The following PLCE1 variants were observed in gnomAD, a reference collection of about 807,000 sequenced individuals.
PLCE1 encodes 1-phosphatidylinositol 4,5-bisphosphate phosphodiesterase epsilon-1.
A neutral mutation model predicts 242.8 loss-of-function variants in PLCE1; 119 were observed. The observed-to-expected ratio is 0.49, with a 90% CI of 0.42 to 0.57. PLCE1 has a LOEUF of 0.57. Ranked by LOEUF, PLCE1 falls within the 20% of genes least tolerant of loss-of-function variation. The probability of loss-of-function intolerance (pLI) is 0.00; values close to 1 mark genes in which losing one functional copy is unlikely to be tolerated. For missense variants in PLCE1, 2,441 were observed against 2,788.8 expected, an observed-to-expected ratio of 0.88 and a Z score of 2.81; for synonymous variants, 945 against 1,017.4, an observed-to-expected ratio of 0.93 and a Z score of 1.35.
chr10:94,204,611 G>A (rs2049087545), intron 4 of PLCE1, among the ~76,000 whole-genome samples: 1 of 152,060 alleles, frequency 6.6e-6, no homozygotes, highest in Non-Finnish European at 1.5e-5. Context: ...AGGTTACAGT[G>A]AGCCAAGATC....
intron 22 of PLCE1, among the ~76,000 whole-genome samples, chr10:94,286,468 T>A (rs1474957409): frequency 6.6e-6 from 1 of 152,164 alleles, no homozygotes; most frequent in Admixed American, 6.6e-5. Context: ...ACCTCATCTC[T>A]AAAAAATAAT....
rs1759791948 is a variant in PLCE1, at chr10:94,330,157, C to T, written c.*2214C>T. The T allele has an allele frequency of 3.0e-5, 4 of 134,034 alleles. No individual in the cohort carries two copies. In the South Asian group the frequency reaches 9.3e-4, roughly 31 times the overall value. The allele number at this position is 134,034 out of a possible 1,614,324, so 8.3% of individuals were successfully genotyped here. On this transcript the variant is annotated 3_prime_UTR_variant, in exon 33 of 33. Transcript: ENST00000371380. The stretch of plus-strand genomic sequence containing the variant: ...CTCTTTAGGTTTATCACATTTGATT[C>T]TGATGCTAAGCGCTGCCCCACTCCT...
At chr10:94,189,222 C>G (rs1216040481) in intron 4 of PLCE1, among the ~76,000 whole-genome samples, 1 of 149,114 alleles carries the variant, frequency 6.7e-6, no homozygotes, top group African/African-American at 2.4e-5. Flanking sequence ...ACACACCACT[C>G]TTGAAACTAC....
intron 1 of PLCE1, among the ~76,000 whole-genome samples, chr10:94,014,712 G>A (rs1178768332): frequency 6.6e-6 from 1 of 152,184 alleles, no homozygotes; most frequent in Non-Finnish European, 1.5e-5. Context: ...CCTCTGCTCT[G>A]ATGTGTAGGA....
At chr10:94,135,042 T>A (rs2046724584) in intron 3 of PLCE1, among the ~76,000 whole-genome samples, 1 of 152,176 alleles carries the variant, frequency 6.6e-6, no homozygotes, top group Admixed American at 6.5e-5. Context: ...CTCTCCCATT[T>A]GGTTTTCAAA....
chr10:94,162,333 A>C (rs2047645050), intron 3 of PLCE1, among the ~76,000 whole-genome samples: 1 of 152,148 alleles, frequency 6.6e-6, no homozygotes, highest in South Asian at 2.1e-4. Flanking sequence ...TCAATTTCAG[A>C]GCCTGTTATT....
At chr10:94,017,949 T>C (rs955128182) in intron 1 of PLCE1, among the ~76,000 whole-genome samples, 2 of 152,218 alleles carry the variant, frequency 1.3e-5, no homozygotes, top group African/African-American at 4.8e-5. Context: ...ATCATTTTAC[T>C]GAAAGACTGT....
intron 3 of PLCE1, among the ~76,000 whole-genome samples, chr10:94,170,524 G>A (rs1390668833): frequency 6.6e-6 from 1 of 152,050 alleles, no homozygotes; most frequent in African/African-American, 2.4e-5. Flanking sequence ...ACCAGTTGTG[G>A]GCCAGGCAGT....
intron 2 of PLCE1, among the ~76,000 whole-genome samples, chr10:94,097,859 A>G (rs889981212): frequency 4.6e-5 from 7 of 152,224 alleles, no homozygotes; most frequent in Non-Finnish European, 8.8e-5. Context: ...CATCTGAGTC[A>G]TGCTCCAAAG....
chr10:94,162,801 A>G (rs939485766), intron 3 of PLCE1, among the ~76,000 whole-genome samples: 2 of 152,156 alleles, frequency 1.3e-5, no homozygotes, highest in Non-Finnish European at 2.9e-5. Flanking sequence ...TTAGTGCTAT[A>G]TATTTCCCTC....
At chr10:94,045,161 C>T (rs900384419) in intron 2 of PLCE1, among the ~76,000 whole-genome samples, 4 of 151,734 alleles carry the variant, frequency 2.6e-5, no homozygotes, top group African/African-American at 7.3e-5. Context: ...CCACCATGCC[C>T]GGATAATTAA....
intron 6 of PLCE1, among the ~76,000 whole-genome samples, chr10:94,234,816 C>A (rs1326058763): frequency 1.3e-5 from 2 of 152,140 alleles, no homozygotes; most frequent in Non-Finnish European, 2.9e-5. Context: ...TCCATTGCCT[C>A]CTGTTCCTGA....
At chr10:94,183,885 T>G (rs1055561685) in intron 4 of PLCE1, among the ~76,000 whole-genome samples, 1 of 152,102 alleles carries the variant, frequency 6.6e-6, no homozygotes, top group Non-Finnish European at 1.5e-5. Flanking sequence ...GAGTGAGAAC[T>G]TACTCATCAC....
intron 4 of PLCE1, among the ~76,000 whole-genome samples, chr10:94,185,980 A>G (rs1211080789): frequency 2.6e-5 from 4 of 152,224 alleles, no homozygotes; most frequent in African/African-American, 4.8e-5. Flanking sequence ...ACTTCGCTCC[A>G]TTTCAACAAA....
intron 2 of PLCE1, among the ~76,000 whole-genome samples, chr10:94,128,774 A>G (rs1461348458): frequency 2.0e-5 from 3 of 152,196 alleles, no homozygotes; most frequent in Non-Finnish European, 2.9e-5. Flanking sequence ...TATTTTATTA[A>G]GACAGGGTCA....
intron 1 of PLCE1, among the ~76,000 whole-genome samples, chr10:93,998,716 T>G (rs1253042434): frequency 6.6e-6 from 1 of 152,166 alleles, no homozygotes; most frequent in East Asian, 1.9e-4. Flanking sequence ...GTCTGCAGTG[T>G]TAGGTTTTGG....
At chr10:94,269,092 G>A (rs878948346) in intron 17 of PLCE1, 56 bp downstream of exon 17, 2 of 388,970 alleles carry the variant, frequency 5.1e-6, no homozygotes, top group Admixed American at 4.0e-5. Context: ...ATCTTCATTT[G>A]TCTTTTTTTT....
intron 13 of PLCE1, 82 bp downstream of exon 13, chr10:94,259,232 A>G: frequency 7.3e-7 from 1 of 1,378,620 alleles, no homozygotes; most frequent in Non-Finnish European, 1.0e-6. Flanking sequence ...ACAAACTCTG[A>G]GCCTGTCCCA....
rs1255922924 is a variant in PLCE1, at chr10:94,298,951, C to T, written c.5458+282C>T. Among the ~76,000 whole-genome samples the T allele has an allele frequency of 6.6e-6, 1 of 152,182 alleles. No homozygotes were observed. The highest frequency in any genetic ancestry group is 1.5e-5 in the Non-Finnish European group (1 of 68,040). On this transcript the variant is annotated intron_variant, in intron 24 of 32. Coordinates refer to ENST00000371380, the MANE Select transcript of PLCE1 (RefSeq NM_016341.4). This position sits in a 1 kb window ranked among gnomAD's most constrained non-coding sequence, Gnocchi z 5.2. ...AATACCAAGCTGCTCTTGACAAAGC[C>T]ATGCCCGGTTTATGTTTAAAGCTCT...
Sources: allele counts gnomAD v4.1 joint callset (sites outside exome capture counted in the v4.1 genomes callset), GRCh38; gene constraint gnomAD v4.1.1; non-coding constraint Gnocchi (gnomAD v3.1); transcripts MANE v1.5; gene names NCBI Gene and HGNC (gene_info 2026-07-23, HGNC 2026-07-21).